S100Z: variants seen among roughly 807,000 people sequenced by gnomAD.
The protein encoded by S100Z is S100 calcium binding protein Z.
S100Z carries 11 observed loss-of-function variants against 8.5 expected under a neutral mutation model. That is an observed-to-expected ratio of 1.30 (90% CI 0.82 to 2.15). The LOEUF (loss-of-function observed/expected upper bound fraction) is 2.15, where lower values mean the gene tolerates loss of function less well. S100Z is among the 30% of genes most tolerant of loss of function. The pLI is 0.00. For missense variants in S100Z, 126 were observed against 117.9 expected, an observed-to-expected ratio of 1.07 and a Z score of -0.32; for synonymous variants, 34 against 43.8, an observed-to-expected ratio of 0.78 and a Z score of 0.89.
intron 4 of S100Z, among the ~76,000 whole-genome samples, chr5:76,901,032 A>C (rs1744208185): frequency 6.6e-6 from 1 of 152,228 alleles, no homozygotes; most frequent in South Asian, 2.1e-4. Flanking sequence ...CTGGATTACC[A>C]GACAGAGACT....
intron 1 of S100Z, among the ~76,000 whole-genome samples, chr5:76,868,168 C>T (rs1394150245): frequency 1.3e-5 from 2 of 152,108 alleles, no homozygotes; most frequent in African/African-American, 2.4e-5. Flanking sequence ...TCCTGGAGGG[C>T]AGGGGCTGAG....
intron 2 of S100Z, among the ~76,000 whole-genome samples, chr5:76,874,183 G>A (rs75806090): frequency 0.024 from 3,548 of 150,602 alleles, 156 homozygotes; most frequent in African/African-American, 0.081. Flanking sequence ...AAATCAGTGC[G>A]TGGAGCACTT....
intron 3 of S100Z, 55 bp from the exon 4 acceptor site, chr5:76,877,619 A>T: frequency 9.8e-7 from 1 of 1,025,554 alleles, no homozygotes; most frequent in Non-Finnish European, 1.5e-6. Flanking sequence ...ATGAATTTCA[A>T]TTGTCATCAT....
chr5:76,897,722 A>G (rs1048681332), intron 4 of S100Z, among the ~76,000 whole-genome samples: 1 of 151,984 alleles, frequency 6.6e-6, no homozygotes, highest in African/African-American at 2.4e-5. Context: ...ATTCCTATGT[A>G]TTTAATTTTA....
chr5:76,942,862 T>C, the S100Z span, among the ~76,000 whole-genome samples: 4 of 152,180 alleles, frequency 2.6e-5, no homozygotes, highest in Non-Finnish European at 5.9e-5. Context: ...CCAGAGAATG[T>C]AGAAAATTAG....
downstream of S100Z, among the ~76,000 whole-genome samples, chr5:76,923,580 C>T (rs1473431796): frequency 1.3e-5 from 2 of 152,066 alleles, no homozygotes; most frequent in Non-Finnish European, 2.9e-5. Context: ...AGATACCCTC[C>T]CACCCACGAT....
rs201835541 is a variant in S100Z, at chr5:76,875,502, T to C, written c.141+2T>C. 5.4e-5 allele frequency: 86 copies of C among 1,605,868 alleles called. No individual in the cohort carries two copies. The highest frequency in any genetic ancestry group is 7.1e-5 in the Non-Finnish European group (83 of 1,176,900). On this transcript the variant is annotated splice_donor_variant, in intron 3 of 4. Transcript: ENST00000317593. LOFTEE classifies it high-confidence loss of function. ...CGAGAGCTCACGGAATTCCTCTCGG[T>C]GAGTCAGGCCTTTGTAAATGCTGTA...
chr5:76,886,492 C>A (rs531331737), intron 4 of S100Z, among the ~76,000 whole-genome samples: 22 of 152,250 alleles, frequency 1.4e-4, no homozygotes, highest in African/African-American at 4.8e-4. Flanking sequence ...GGTCTGAGGA[C>A]CCGAGGTCGT....
intron 4 of S100Z, among the ~76,000 whole-genome samples, chr5:76,906,976 GTATATATA>G (rs869046562): frequency 0.037 from 792 of 21,582 alleles, 5 homozygotes; most frequent in Middle Eastern, 0.062. Flanking sequence ...TTGTGTGTGT[GTATATATA>G]TATATATATA....
chr5:76,900,389 T>C (rs1169812993), intron 4 of S100Z, among the ~76,000 whole-genome samples: 3 of 152,212 alleles, frequency 2.0e-5, no homozygotes, highest in Non-Finnish European at 4.4e-5. Context: ...TTTGAGGCTA[T>C]TTCTAGATTC....
chr5:76,925,736 G>C (rs1252265619), downstream of S100Z, among the ~76,000 whole-genome samples: 2 of 152,124 alleles, frequency 1.3e-5, no homozygotes, highest in African/African-American at 2.4e-5. Context: ...AGAGGCTGAG[G>C]GGGGCGGATC....
chr5:76,902,218 G>A (rs950815051), intron 4 of S100Z, among the ~76,000 whole-genome samples: 2 of 152,156 alleles, frequency 1.3e-5, no homozygotes, highest in Non-Finnish European at 2.9e-5. Context: ...GCTGCCCCAC[G>A]TGATGTCTCA....
intron 1 of S100Z, among the ~76,000 whole-genome samples, chr5:76,850,757 G>A (rs532239240): frequency 2.0e-5 from 3 of 152,332 alleles, no homozygotes; most frequent in Non-Finnish European, 1.5e-5. Flanking sequence ...GGATGGAGGG[G>A]CTGGGGAGAA....
chr5:76,869,975 A>G (rs1381962741), intron 1 of S100Z, among the ~76,000 whole-genome samples, 191 bp from the exon 2 acceptor site: 1 of 151,822 alleles, frequency 6.6e-6, no homozygotes, highest in Non-Finnish European at 1.5e-5. Flanking sequence ...GTGAGCTGAG[A>G]TCCTGTCACT....
chr5:76,891,919 A>T (rs532411634), intron 4 of S100Z, among the ~76,000 whole-genome samples: 1 of 152,268 alleles, frequency 6.6e-6, no homozygotes, highest in East Asian at 1.9e-4. Context: ...ATTTTCTAGC[A>T]TGTCTCAAAT....
At chr5:76,936,926 C>T in the S100Z span, among the ~76,000 whole-genome samples, 1 of 152,132 alleles carries the variant, frequency 6.6e-6, no homozygotes, top group Non-Finnish European at 1.5e-5. Flanking sequence ...ATTCCTCAGC[C>T]CTTGAGCCCC....
the S100Z span, among the ~76,000 whole-genome samples, chr5:76,932,799 A>G: frequency 1.3e-5 from 2 of 152,244 alleles, no homozygotes; most frequent in Admixed American, 6.5e-5. Flanking sequence ...AAATAAAAAC[A>G]AAATAAAGCT....
At chr5:76,875,582 G>C (rs1743162433) in intron 3 of S100Z, 82 bp downstream of exon 3, 1 of 1,274,286 alleles carries the variant, frequency 7.8e-7, no homozygotes, top group African/African-American at 1.5e-5. Context: ...GGTTCATACT[G>C]TCCTGTGATT....
At chr5:76,933,034 A>G in the S100Z span, among the ~76,000 whole-genome samples, 1 of 152,240 alleles carries the variant, frequency 6.6e-6, no homozygotes, top group Non-Finnish European at 1.5e-5. Context: ...CATAATCTCA[A>G]TTCTCGCTAT....
Sources: allele counts gnomAD v4.1 joint callset (sites outside exome capture counted in the v4.1 genomes callset), GRCh38; gene constraint gnomAD v4.1.1; transcripts MANE v1.5; gene names NCBI Gene and HGNC (gene_info 2026-07-23, HGNC 2026-07-21).